The following ESR1 variants were observed in gnomAD, a reference collection of about 807,000 sequenced individuals.
ESR1 encodes the protein estrogen receptor.
Under a neutral mutation model 52.7 loss-of-function variants are expected in ESR1, and 12 were observed. The observed-to-expected ratio is 0.23, with a 90% CI of 0.15 to 0.37. The LOEUF (loss-of-function observed/expected upper bound fraction) is 0.37. Among genes scored for constraint, ESR1 ranks in the 10% least tolerant of loss-of-function variants. The pLI, the probability that ESR1 is intolerant of heterozygous loss-of-function variation, is 1.00. For missense variants in ESR1, 584 were observed against 779.7 expected (o/e 0.75, Z 2.99); for synonymous variants, 305 against 316.8 (o/e 0.96, Z 0.39).
chr6:151,853,199 G>A (rs201394813), intron 2 of ESR1, among the ~76,000 whole-genome samples: 378 of 89,162 alleles, frequency 4.2e-3, no homozygotes, highest in Middle Eastern at 0.013. Flanking sequence ...AAAAAAAAAA[G>A]AGAAAGAAAG....
At chr6:151,713,624 G>T (rs558790204) in intron 2 of ESR1, among the ~76,000 whole-genome samples, 3 of 152,056 alleles carry the variant, frequency 2.0e-5, no homozygotes, top group African/African-American at 4.8e-5. Flanking sequence ...GTTTATTTGC[G>T]CAGAGGTGTT....
At chr6:151,974,403 C>G (rs577864706) in intron 4 of ESR1, among the ~76,000 whole-genome samples, 1 of 152,114 alleles carries the variant, frequency 6.6e-6, no homozygotes. Flanking sequence ...CAGAGGCTGC[C>G]GGAGGTCACA....
exon 7 of ESR1, chr6:152,125,772 A>G (rs2053192979): frequency 6.4e-6 from 1 of 155,684 alleles, no homozygotes; most frequent in Admixed American, 6.4e-5. Context: ...ACAGAGCTGA[A>G]TAGCTCCTGT....
chr6:152,065,013 A>C (rs910635767), intron 6 of ESR1, among the ~76,000 whole-genome samples: 1 of 152,212 alleles, frequency 6.6e-6, no homozygotes, highest in Non-Finnish European at 1.5e-5. Flanking sequence ...GTAGGCCCTT[A>C]GTCAACAACA....
intron 5 of ESR1, among the ~76,000 whole-genome samples, chr6:152,018,923 C>A (rs2043389399): frequency 6.6e-6 from 1 of 151,674 alleles, no homozygotes; most frequent in Non-Finnish European, 1.5e-5. Context: ...ACATTTCATT[C>A]AATGTGTGAG....
At chr6:152,084,703 T>TG (rs2049547628) in intron 6 of ESR1, among the ~76,000 whole-genome samples, 1 of 124,394 alleles carries the variant, frequency 8.0e-6, no homozygotes, top group South Asian at 2.7e-4. Context: ...GGCTTTTAAT[T>TG]GAAAAAAAAA....
chr6:152,098,575 T>A lies in ESR1; in HGVS notation c.1554-157T>A, dbSNP rs1208937174. ...TTAGGGCTTCTGAAAGCCCTCAGCT[T>A]TCCCAGCTCCCATCCTAAAGTGGGT... On this transcript the variant is annotated intron_variant, in intron 7 of 7. Coordinates refer to ENST00000206249, the MANE Select transcript of ESR1 (RefSeq NM_000125.4). The surrounding 1 kb of genome is among the most constrained non-coding windows in gnomAD (Gnocchi z 5.1). 6.6e-6 allele frequency among the ~76,000 whole-genome samples: 1 copy of A among 152,046 alleles called. No individual in the cohort carries two copies. Among genetic ancestry groups the A allele is most frequent in the African/African-American group, 2.4e-5 (1 of 41,410 alleles).
chr6:151,755,191 C>T (rs143147220), intron 2 of ESR1, among the ~76,000 whole-genome samples: 2 of 144,250 alleles, frequency 1.4e-5, no homozygotes, highest in East Asian at 4.0e-4. Flanking sequence ...GCCTGGGTGA[C>T]AGAGTGAGAC....
chr6:152,006,290 T>A (rs1297095206), intron 4 of ESR1, among the ~76,000 whole-genome samples: 1 of 152,078 alleles, frequency 6.6e-6, no homozygotes, highest in Non-Finnish European at 1.5e-5. Flanking sequence ...TTAATTTTTT[T>A]AAGTGTTTGT....
intron 6 of ESR1, among the ~76,000 whole-genome samples, chr6:152,086,016 T>C (rs771781594): frequency 6.6e-6 from 1 of 152,198 alleles, no homozygotes; most frequent in Admixed American, 6.5e-5. Context: ...GGGAAACAAA[T>C]GTATCCAGGA....
intron 1 of ESR1, among the ~76,000 whole-genome samples, chr6:151,663,294 T>C (rs1301333196): frequency 6.6e-6 from 1 of 152,206 alleles, no homozygotes; most frequent in Non-Finnish European, 1.5e-5. Flanking sequence ...TACTTCAAAG[T>C]CCCATTCATA....
intron 1 of ESR1, among the ~76,000 whole-genome samples, chr6:151,691,549 A>T (rs1778944077): frequency 6.6e-6 from 1 of 152,180 alleles, no homozygotes; most frequent in African/African-American, 2.4e-5. Flanking sequence ...CTTAATCAGG[A>T]CTTGTGATCA....
At chr6:151,784,654 G>T (rs1583273732) in intron 2 of ESR1, among the ~76,000 whole-genome samples, 1 of 152,164 alleles carries the variant, frequency 6.6e-6, no homozygotes, top group Non-Finnish European at 1.5e-5. Flanking sequence ...TTCCTGCATT[G>T]CAACCAGTGT....
chr6:152,047,952 A>G (rs2046354425), intron 5 of ESR1, among the ~76,000 whole-genome samples: 1 of 140,210 alleles, frequency 7.1e-6, no homozygotes, highest in African/African-American at 2.7e-5. Flanking sequence ...CTGACTCCTC[A>G]AGCATTTTTT....
At chr6:152,029,571 TGAGAA>T (rs1406062820) in intron 5 of ESR1, among the ~76,000 whole-genome samples, 1 of 151,938 alleles carries the variant, frequency 6.6e-6, no homozygotes, top group Admixed American at 6.6e-5. Flanking sequence ...TGAAATGAAG[TGAGAA>T]GAGAAGTTTA....
intron 2 of ESR1, among the ~76,000 whole-genome samples, chr6:151,793,117 G>T (rs1337736357): frequency 1.3e-5 from 2 of 151,518 alleles, no homozygotes; most frequent in Non-Finnish European, 2.9e-5. Context: ...CTTGCAGTGA[G>T]CTGAGTTTGC....
At chr6:151,859,014 C>T (rs1178605441) in intron 2 of ESR1, among the ~76,000 whole-genome samples, 1 of 152,152 alleles carries the variant, frequency 6.6e-6, no homozygotes, top group African/African-American at 2.4e-5. Flanking sequence ...CTAAGAAAAA[C>T]TACAGGAGTA....
At position 152,061,194 on chromosome 6, in the gene ESR1, TC is replaced by T; in HGVS notation, c.1369+71del. 1 of 1,443,900 alleles carries T rather than the reference TC, an allele frequency of 6.9e-7. No homozygotes were observed. Among genetic ancestry groups the T allele is most frequent in the Non-Finnish European group, 9.7e-7 (1 of 1,028,208 alleles). The allele number at this position is 1,443,900 out of a possible 1,614,324, so 89.4% of individuals were successfully genotyped here. A position where few individuals can be genotyped will look rare whatever the true frequency, so the allele number is the denominator to read the frequency against. ...ATTTGTAGTTTTCAACCAGATACGA[TC>T]TACCCACTCCAAAGGCATAATGTCA... On this transcript the variant is annotated intron_variant, in intron 6 of 7. Transcript: ENST00000206249. The surrounding 1 kb of genome is among the most constrained non-coding windows in gnomAD (Gnocchi z 4.3).
intron 2 of ESR1, among the ~76,000 whole-genome samples, chr6:151,867,116 A>C (rs141013047): frequency 0.024 from 3,588 of 152,304 alleles, 141 homozygotes; most frequent in African/African-American, 0.08. Context: ...AAATTAACTC[A>C]AGATGGATTA....
Sources: gnomAD v4.1 joint callset for allele counts (sites outside exome capture counted in the v4.1 genomes callset) on GRCh38, gnomAD v4.1.1 for gene constraint, Gnocchi (gnomAD v3.1) non-coding constraint, MANE v1.5 for transcripts, NCBI Gene and HGNC (gene_info 2026-07-23, HGNC 2026-07-21) for gene names.